Variants in BMF observed in about 807,000 individuals in gnomAD.
BMF encodes bcl-2-modifying factor.
A neutral mutation model predicts 22.0 loss-of-function variants in BMF; 10 were observed. That is an observed-to-expected ratio of 0.45 (90% CI 0.28 to 0.77). The LOEUF is 0.77. BMF is among the 30% of genes least tolerant of loss of function. The pLI, the probability that BMF is intolerant of heterozygous loss-of-function variation, is 0.13. For missense variants in BMF, 206 were observed against 226.8 expected (o/e 0.91, Z 0.59); for synonymous variants, 87 against 88.1 (o/e 0.99, Z 0.07).
At chr15:40,097,035 C>A (rs2036376376) in intron 4 of BMF, among the ~76,000 whole-genome samples, 1 of 152,192 alleles carries the variant, frequency 6.6e-6, no homozygotes, top group African/African-American at 2.4e-5. Flanking sequence ...CCTACTCAGG[C>A]CAAGGCTGAA....
intron 4 of BMF, among the ~76,000 whole-genome samples, chr15:40,092,407 A>T (rs1221628408): frequency 2.6e-5 from 4 of 152,162 alleles, no homozygotes; most frequent in African/African-American, 9.7e-5. Flanking sequence ...CTGCTGAGGC[A>T]GCAAAAATCT....
At chr15:40,092,323 G>A (rs1036014703) in intron 4 of BMF, among the ~76,000 whole-genome samples, 1 of 152,090 alleles carries the variant, frequency 6.6e-6, no homozygotes, top group Non-Finnish European at 1.5e-5. Flanking sequence ...AGAACAAGGG[G>A]AAAGGGGGGG....
intron 4 of BMF, among the ~76,000 whole-genome samples, chr15:40,100,730 C>T (rs929857020): frequency 6.6e-6 from 1 of 152,188 alleles, no homozygotes; most frequent in Admixed American, 6.5e-5. Flanking sequence ...CCACGTAAAA[C>T]GACACCCAGG....
chr15:40,097,996 G>A (rs1310486989), intron 4 of BMF, among the ~76,000 whole-genome samples: 1 of 152,148 alleles, frequency 6.6e-6, no homozygotes, highest in Admixed American at 6.5e-5. Context: ...GGACCCAGTG[G>A]GCCCACTGCC....
chr15:40,093,383 G>A (rs375084342), intron 4 of BMF, among the ~76,000 whole-genome samples: 19 of 152,388 alleles, frequency 1.2e-4, no homozygotes, highest in African/African-American at 4.1e-4. Flanking sequence ...AAGGGAAATC[G>A]GGCGTGCCAC....
rs376534567 is a variant in BMF, at chr15:40,105,957, G to C, written c.130C>G (p.Leu44Val). Residue 44 changes from leucine to valine, a missense_variant, in exon 3 of 5, where the codon CTC (leucine) becomes GTC (valine). Physicochemically the swap from Leu to Val is conservative, Grantham distance 32 (BLOSUM62 1). Transcript: ENST00000354670. ...AGAGGGAAGAGCTGAAGTCGGCTGA[G>C]GGGGCAGTCCAGTAGGCTCTGGGCA... The part of the protein sequence containing the change: ...LFAQSLLDCP[L>V]SRLQLFPLTH... The C allele has an allele frequency of 1.2e-6, 2 of 1,614,124 alleles. No homozygotes were observed. The highest frequency in any genetic ancestry group is 1.1e-5 in the South Asian group (1 of 91,086).
At chr15:40,091,957 T>G in intron 4 of BMF, 69 bp from the exon 5 acceptor site, 1 of 1,218,028 alleles carries the variant, frequency 8.2e-7, no homozygotes, top group East Asian at 2.5e-5. Context: ...CCCTCTCATT[T>G]CCAGTAAAAG....
chr15:40,091,681 T>C lies in BMF; in HGVS notation c.*106A>G, dbSNP rs1253733627. ...AATTAAAAAAAATTAAAACACAAAA[T>C]AACAACAAAAAAACAATTTCACAAG... On this transcript the variant is annotated 3_prime_UTR_variant, in exon 5 of 5. Coordinates refer to ENST00000354670, the MANE Select transcript of BMF (RefSeq NM_001003940.2). The C allele has an allele frequency of 1.2e-5, 10 of 840,232 alleles. No individual in the cohort carries two copies. The Admixed American group carries it at 1.7e-4, about 14-fold the overall frequency. The allele number at this position is 840,232 out of a possible 1,614,324, so 52.0% of individuals were successfully genotyped here.
chr15:40,102,416 C>CAA (rs71132141), intron 4 of BMF, among the ~76,000 whole-genome samples: 12,994 of 95,272 alleles, frequency 0.14, 826 homozygotes, highest in Non-Finnish European at 0.18. Flanking sequence ...GCGAAAGAGC[C>CAA]AAAAAAAAAA....
intron 4 of BMF, 73 bp downstream of exon 4, chr15:40,104,107 A>C (rs2036534895): frequency 2.5e-6 from 4 of 1,575,910 alleles, no homozygotes; most frequent in Admixed American, 1.7e-5. Context: ...GTTGCTGACA[A>C]GAGGAGAGAG....
rs116992981 is a variant in BMF, at chr15:40,098,681, T to A, written c.453+5499A>T. 8.6e-3 allele frequency among the ~76,000 whole-genome samples: 1,306 copies of A among 152,144 alleles called. 12 individuals are homozygous for A. The highest frequency in any genetic ancestry group is 0.014 in the Non-Finnish European group (930 of 67,974). ...AACATGACCTCTTGGCTGCCAGACA[T>A]GGATCAAAAGGCAAACCAGTCATTT... is the stretch of plus-strand genomic sequence containing the variant. On this transcript the variant is annotated intron_variant, in intron 4 of 4. Coordinates refer to ENST00000354670, the MANE Select transcript of BMF (RefSeq NM_001003940.2).
In BMF at chr15:40,104,166, A is replaced by C. The variant is rs778676383; in HGVS notation, c.453+14T>G. On this transcript the variant is annotated intron_variant, in intron 4 of 4. Transcript: ENST00000354670. ...AGCAGACTCAACCCTCCTCCCCTAA[A>C]CCCCCGTGCCTACTTGCTGCACATG... The C allele has an allele frequency of 4.3e-6, 7 of 1,613,546 alleles. No individual in the cohort carries two copies. In the Admixed American group the frequency reaches 1.2e-4, roughly 27 times the overall value.
chr15:40,090,430 G>C lies in BMF; in HGVS notation c.*1357C>G, dbSNP rs982381905. 6 of 152,670 alleles carry C rather than the reference G, an allele frequency of 3.9e-5. No individual in the cohort carries two copies. The highest frequency in any genetic ancestry group is 1.4e-4 in the African/African-American group (6 of 41,470). 9.5% of individuals were successfully genotyped at this position (152,670 alleles called of 1,614,324 possible). A position where few individuals can be genotyped will look rare whatever the true frequency, so the allele number is the denominator to read the frequency against. ...GTTGTCTTTTCTCACATATGCAAAA[G>C]TTATAATTTAGTTTCTAGCGTCTGG... On this transcript the variant is annotated 3_prime_UTR_variant, in exon 5 of 5. Transcript: ENST00000354670.
intron 3 of BMF, among the ~76,000 whole-genome samples, 185 bp downstream of exon 3, chr15:40,105,610 T>TG (rs916156251): frequency 1.3e-4 from 20 of 152,074 alleles, no homozygotes; most frequent in Admixed American, 9.2e-4. Context: ...ATTTGCCCTT[T>TG]GGGGGGTCTG....
In BMF at chr15:40,091,775, G is replaced by A. The variant is rs2036236159; in HGVS notation, c.*12C>T. The A allele has an allele frequency of 6.3e-7, 1 of 1,595,150 alleles. No homozygotes were observed. Among genetic ancestry groups the A allele is most frequent in the Non-Finnish European group, 8.5e-7 (1 of 1,169,678 alleles). On this transcript the variant is annotated 3_prime_UTR_variant, in exon 5 of 5. Coordinates refer to ENST00000354670, the MANE Select transcript of BMF (RefSeq NM_001003940.2). ...TGTTCCTGGTGCCCCATGTGAAGAG[G>A]GCAGCCCACCCTCACCTAGGGCCTG...
chr15:40,105,692 T>C (rs1051048434), intron 3 of BMF, 103 bp downstream of exon 3: 15 of 1,350,728 alleles, frequency 1.1e-5, no homozygotes, highest in African/African-American at 1.5e-5. Flanking sequence ...GCCCCGCTGA[T>C]CACTTTGGGG....
chr15:40,094,539 A>G (rs534537928), intron 4 of BMF, among the ~76,000 whole-genome samples: 1 of 152,308 alleles, frequency 6.6e-6, no homozygotes, highest in South Asian at 2.1e-4. Context: ...CAACCTGCTC[A>G]TGAGTTCTCT....
chr15:40,091,452 A>T lies in BMF; in HGVS notation c.*335T>A, dbSNP rs545806363. The T allele has an allele frequency of 7.9e-5, 17 of 215,754 alleles. No homozygotes were observed. The South Asian group carries it at 2.0e-3, about 25-fold the overall frequency. The allele number at this position is 215,754 out of a possible 1,614,324, so 13.4% of individuals were successfully genotyped here. On this transcript the variant is annotated 3_prime_UTR_variant, in exon 5 of 5. Coordinates refer to ENST00000354670, the MANE Select transcript of BMF (RefSeq NM_001003940.2). The stretch of plus-strand genomic sequence containing the variant: ...GGAAAAACCACAGTCCACTTCCCAG[A>T]GAACATCACTAACGGATCATCTTCG...
intron 4 of BMF, among the ~76,000 whole-genome samples, chr15:40,099,039 C>T (rs2036422675): frequency 1.3e-5 from 2 of 152,240 alleles, no homozygotes; most frequent in Admixed American, 6.5e-5. Flanking sequence ...CCTCATTCTT[C>T]CCCTGGCACT....
Sources: allele counts gnomAD v4.1 joint callset (sites outside exome capture counted in the v4.1 genomes callset), GRCh38; gene constraint gnomAD v4.1.1; transcripts MANE v1.5; gene names NCBI Gene and HGNC (gene_info 2026-07-23, HGNC 2026-07-21).